LAMC3: variants seen among roughly 807,000 people sequenced by gnomAD.
LAMC3 encodes the protein laminin subunit gamma 3.
A neutral mutation model predicts 173.8 loss-of-function variants in LAMC3; 128 were observed. The observed-to-expected ratio is 0.74, with a 90% CI of 0.64 to 0.85. LAMC3 has a LOEUF of 0.85. Among genes scored for constraint, LAMC3 ranks in the 40% least tolerant of loss-of-function variants. The probability of loss-of-function intolerance (pLI) is 0.00; values close to 1 mark genes in which losing one functional copy is unlikely to be tolerated. For synonymous variants in LAMC3, 897 were observed against 909.1 expected (o/e 0.99, Z 0.24); for missense variants, 2,022 against 2,156.0 (o/e 0.94, Z 1.23).
chr9:131,078,286 T>A (rs1368692273), intron 22 of LAMC3, among the ~76,000 whole-genome samples: 1 of 151,738 alleles, frequency 6.6e-6, no homozygotes, highest in African/African-American at 2.4e-5. Context: ...GATCAGGAGA[T>A]CGAGACCATC....
Position 131,093,937 on chromosome 9 carries a change from C to T in LAMC3, c.*2150C>T, listed in dbSNP as rs1164835107. The T allele has an allele frequency of 6.6e-6, 1 of 152,274 alleles. No homozygotes were observed. Among genetic ancestry groups the T allele is most frequent in the African/African-American group, 2.4e-5 (1 of 41,416 alleles). The allele number at this position is 152,274 out of a possible 1,614,324, so 9.4% of individuals were successfully genotyped here. A position where few individuals can be genotyped will look rare whatever the true frequency, so the allele number is the denominator to read the frequency against. ...TAAGCAATTCTCCTGCCTCAGCCTC[C>T]CGAGTAGCTAGGACTACAGGTGCTT... On this transcript the variant is annotated 3_prime_UTR_variant, in exon 28 of 28. Coordinates refer to ENST00000361069, the MANE Select transcript of LAMC3 (RefSeq NM_006059.4).
At position 131,026,943 on chromosome 9, in the gene LAMC3, A is replaced by G. The variant is rs1833730406; in HGVS notation, c.678+354A>G. Among the ~76,000 whole-genome samples the G allele has an allele frequency of 6.6e-6, 1 of 152,074 alleles. No homozygotes were observed. The highest frequency in any genetic ancestry group is 1.5e-5 in the Non-Finnish European group (1 of 67,980). On this transcript the variant is annotated intron_variant, in intron 2 of 27. Transcript: ENST00000361069. The surrounding 1 kb of genome is among the most constrained non-coding windows in gnomAD (Gnocchi z 4.8). ...GCCAGGCTGGTCTTGAACTCCTGACATTAAGCGATCCACCTGCCTCGGCCT... is the reference window on the plus strand; with the variant it reads ...GCCAGGCTGGTCTTGAACTCCTGACGTTAAGCGATCCACCTGCCTCGGCCT...
At chr9:131,031,437 C>A (rs1216202154) in intron 2 of LAMC3, among the ~76,000 whole-genome samples, 1 of 152,216 alleles carries the variant, frequency 6.6e-6, no homozygotes, top group South Asian at 2.1e-4. Flanking sequence ...GGCCACAAGT[C>A]CCTGCTCTCG....
intron 11 of LAMC3, among the ~76,000 whole-genome samples, chr9:131,054,885 C>T (rs565239303): frequency 3.3e-5 from 5 of 152,102 alleles, no homozygotes; most frequent in East Asian, 1.9e-4. Flanking sequence ...TCACACAGTA[C>T]GATATTCTGG....
intron 25 of LAMC3, among the ~76,000 whole-genome samples, chr9:131,086,224 G>C (rs117756557): frequency 6.6e-6 from 1 of 151,738 alleles, no homozygotes; most frequent in African/African-American, 2.4e-5. Context: ...GATTATAGGC[G>C]TGCTCCACCA....
chr9:131,012,864 C>T (rs1261348992), intron 1 of LAMC3, among the ~76,000 whole-genome samples: 1 of 152,200 alleles, frequency 6.6e-6, no homozygotes, highest in Non-Finnish European at 1.5e-5. Context: ...TGGAGGTCGC[C>T]GCATTCCCAG....
intron 6 of LAMC3, among the ~76,000 whole-genome samples, chr9:131,041,131 C>T (rs1284102247): frequency 6.6e-6 from 1 of 151,992 alleles, no homozygotes; most frequent in Non-Finnish European, 1.5e-5. Context: ...CTTTGGGAGG[C>T]CAAGGCAGGT....
chr9:131,075,458 G>A (rs1336233708), intron 20 of LAMC3, among the ~76,000 whole-genome samples: 1 of 151,734 alleles, frequency 6.6e-6, no homozygotes, highest in Non-Finnish European at 1.5e-5. Context: ...CAGCTACTCG[G>A]GAGGCTGAGG....
chr9:131,051,027 T>C lies in LAMC3; in HGVS notation c.1631-1464T>C, dbSNP rs185977840. On this transcript the variant is annotated intron_variant, in intron 9 of 27. Transcript: ENST00000361069. Reference sequence around the variant, plus strand: ...CCCGGGGCTCCCCGCTTCAGGCCGCTTCTGCACAGGTAAGAAATTCCCCCA... The same window carrying C: ...CCCGGGGCTCCCCGCTTCAGGCCGCCTCTGCACAGGTAAGAAATTCCCCCA... 1.3e-3 allele frequency among the ~76,000 whole-genome samples: 205 copies of C among 152,288 alleles called. No homozygotes were observed. The East Asian group carries it at 0.018, about 14-fold the overall frequency.
intron 9 of LAMC3, 107 bp downstream of exon 9, chr9:131,049,237 A>G: frequency 1.3e-6 from 1 of 747,680 alleles, no homozygotes; most frequent in African/African-American, 1.7e-5. Flanking sequence ...TTATTCTCTT[A>G]GAGTTCTGGA....
intron 6 of LAMC3, among the ~76,000 whole-genome samples, chr9:131,040,241 G>A (rs762660802): frequency 4.6e-5 from 7 of 151,558 alleles, no homozygotes; most frequent in South Asian, 4.2e-4. Flanking sequence ...GCAGTGGCGC[G>A]ATCTCTACTC....
intron 9 of LAMC3, among the ~76,000 whole-genome samples, chr9:131,049,422 C>A (rs1834240148): frequency 1.3e-5 from 2 of 152,090 alleles, no homozygotes; most frequent in Admixed American, 6.6e-5. Flanking sequence ...TTTCTCACGC[C>A]CCATCACTGG....
In LAMC3 at chr9:131,038,922, C is replaced by T. The variant is rs561334750; in HGVS notation, c.1035C>T (p.Ser345=). Residue 345 remains serine, a synonymous_variant, in exon 5 of 28, where the codon AGC becomes AGT. Transcript: ENST00000361069. ...CGTTTGATCGGGAGCTCTTCCGCAGCACAGGCCACGGCGGGCGCTGTCACC... is the reference window on the plus strand; with the variant it reads ...CGTTTGATCGGGAGCTCTTCCGCAGTACAGGCCACGGCGGGCGCTGTCACC... ...ECTFDRELFR[S]TGHGGRCHHC... is the part of the protein sequence containing the mutation. The T allele has an allele frequency of 6.2e-7, 1 of 1,613,358 alleles. No homozygotes were observed. The highest frequency in any genetic ancestry group is 2.2e-5 in the East Asian group (1 of 44,884).
At chr9:131,060,248 C>T (rs915761851) in intron 12 of LAMC3, among the ~76,000 whole-genome samples, 11 of 152,180 alleles carry the variant, frequency 7.2e-5, no homozygotes, top group African/African-American at 1.9e-4. Flanking sequence ...CCTTAGGAAA[C>T]GTTGCTCTTC....
At chr9:131,016,945 T>TA (rs11436394) in intron 1 of LAMC3, among the ~76,000 whole-genome samples, 35 of 152,072 alleles carry the variant, frequency 2.3e-4, no homozygotes, top group African/African-American at 6.8e-4. Flanking sequence ...ATTTTTTTTT[T>TA]AAAAAGCACC....
intron 1 of LAMC3, among the ~76,000 whole-genome samples, chr9:131,018,371 G>A (rs1285226923): frequency 6.6e-6 from 1 of 151,970 alleles, no homozygotes; most frequent in African/African-American, 2.4e-5. Flanking sequence ...CTGAGCTCAG[G>A]TGATCCCCCT....
At chr9:131,087,866 C>T (rs1404404697) in intron 27 of LAMC3, 49 bp downstream of exon 27, 3 of 1,449,592 alleles carry the variant, frequency 2.1e-6, no homozygotes, top group Middle Eastern at 1.8e-4. Context: ...CCCTGGGGCA[C>T]CTCTAGGATC....
intron 3 of LAMC3, among the ~76,000 whole-genome samples, chr9:131,032,990 C>G (rs1424574635): frequency 1.3e-5 from 2 of 152,232 alleles, no homozygotes; most frequent in Non-Finnish European, 2.9e-5. Context: ...AGGGGTGTTA[C>G]TGGCCTAGAG....
At position 131,036,439 on chromosome 9, in the gene LAMC3, C is replaced by G. The variant is rs529657466; in HGVS notation, c.976+107C>G. 2.5e-5 allele frequency: 32 copies of G among 1,264,988 alleles called. No homozygotes were observed. The African/African-American group carries it at 3.3e-4, about 13-fold the overall frequency. 78.4% of individuals were successfully genotyped at this position (1,264,988 alleles called of 1,614,324 possible). The stretch of plus-strand genomic sequence containing the variant: ...GTGGGGGCTGCTCCTGGGTACGCCC[C>G]GGGGGCAGCTCGGGGTCTCTGTGCT... On this transcript the variant is annotated intron_variant, in intron 4 of 27. Coordinates refer to ENST00000361069, the MANE Select transcript of LAMC3 (RefSeq NM_006059.4).
Sources: allele counts gnomAD v4.1 joint callset (sites outside exome capture counted in the v4.1 genomes callset), GRCh38; gene constraint gnomAD v4.1.1; non-coding constraint Gnocchi (gnomAD v3.1); transcripts MANE v1.5; gene names NCBI Gene and HGNC (gene_info 2026-07-23, HGNC 2026-07-21).